DCUN1D2: variants seen among roughly 807,000 people sequenced by gnomAD.
The protein encoded by DCUN1D2 is defective in cullin neddylation 1 domain containing 2.
DCUN1D2 carries 29 observed loss-of-function variants against 30.9 expected under a neutral mutation model. That is an observed-to-expected ratio of 0.94 (90% CI 0.70 to 1.28). The LOEUF (loss-of-function observed/expected upper bound fraction) is 1.28, where lower values mean the gene tolerates loss of function less well. Ranked by LOEUF, DCUN1D2 falls within the 50% of genes most tolerant of loss-of-function variation. The pLI is 0.00. For missense variants in DCUN1D2, 325 were observed against 316.9 expected, an observed-to-expected ratio of 1.03 and a Z score of -0.19; for synonymous variants, 121 against 115.3, an observed-to-expected ratio of 1.05 and a Z score of -0.32.
Position 113,483,865 on chromosome 13 carries a change from C to T in DCUN1D2, c.195G>A (p.Leu65=). ...SMRNAVDKKK[L]ERLYGRYKDP... Reference sequence around the variant, plus strand: ...CTTTGTACCTGCCGTACAGCCGCTCCAGCTTCTTCTTGTCCACAGCGTTCC... The same window carrying T: ...CTTTGTACCTGCCGTACAGCCGCTCTAGCTTCTTCTTGTCCACAGCGTTCC... Residue 65 remains leucine (L), a synonymous_variant, in exon 2 of 7, where the codon CTG becomes CTA. Coordinates refer to ENST00000478244, the MANE Select transcript of DCUN1D2 (RefSeq NM_001014283.2). 6.2e-7 allele frequency: 1 copy of T among 1,612,828 alleles called. No individual in the cohort carries two copies. Among genetic ancestry groups the T allele is most frequent in the East Asian group, 2.2e-5 (1 of 44,888 alleles).
chr13:113,463,905 G>C (rs1595568884), intron 4 of DCUN1D2, among the ~76,000 whole-genome samples: 1 of 152,182 alleles, frequency 6.6e-6, no homozygotes, highest in South Asian at 2.1e-4. Context: ...TGCTTTTTCT[G>C]GAACAGTTGG....
chr13:113,462,252 C>CAA (rs530609852), intron 4 of DCUN1D2, among the ~76,000 whole-genome samples: 8 of 80,964 alleles, frequency 9.9e-5, no homozygotes, highest in East Asian at 3.0e-4. Context: ...AACTCCGTCT[C>CAA]AAAAAAAAAA....
At chr13:113,469,516 C>CA (rs137962117) in intron 4 of DCUN1D2, among the ~76,000 whole-genome samples, 1 of 151,924 alleles carries the variant, frequency 6.6e-6, no homozygotes, top group Non-Finnish European at 1.5e-5. Flanking sequence ...TCCGTCCCTC[C>CA]AAAAAAAGTT....
intron 3 of DCUN1D2, among the ~76,000 whole-genome samples, chr13:113,479,520 G>A (rs2044671360): frequency 6.6e-6 from 1 of 152,156 alleles, no homozygotes; most frequent in African/African-American, 2.4e-5. Flanking sequence ...TTGGGAGGCT[G>A]ATGAGGCAAG....
chr13:113,491,549 C>CCT (rs1454411516), upstream of DCUN1D2, among the ~76,000 whole-genome samples: 1 of 152,100 alleles, frequency 6.6e-6, no homozygotes, highest in East Asian at 1.9e-4. Flanking sequence ...GCTCACCTCC[C>CCT]CTCTCTCTCT....
chr13:113,462,992 G>A (rs138981811), intron 4 of DCUN1D2: 4 of 424,160 alleles, frequency 9.4e-6, no homozygotes, highest in Non-Finnish European at 1.4e-5. Context: ...GACCTGATTT[G>A]TATGTTTGTC....
upstream of DCUN1D2, chr13:113,490,872 C>G (rs1353720327): frequency 1.3e-5 from 4 of 302,296 alleles, no homozygotes; most frequent in East Asian, 3.1e-4. The surrounding 1 kb of genome is among the most constrained non-coding windows in gnomAD (Gnocchi z 5.2). Flanking sequence ...GCGTCCAGCC[C>G]TCTGCGAGGG....
intron 1 of DCUN1D2, among the ~76,000 whole-genome samples, chr13:113,485,412 G>A (rs567764881): frequency 6.6e-6 from 1 of 152,312 alleles, no homozygotes; most frequent in East Asian, 1.9e-4. Flanking sequence ...ACATGTAAGA[G>A]CTGGAAATCA....
chr13:113,490,516 C>A lies in DCUN1D2; in HGVS notation c.3+151G>T. The A allele has an allele frequency of 4.7e-6, 4 of 850,432 alleles. No individual in the cohort carries two copies. Among genetic ancestry groups the A allele is most frequent in the Non-Finnish European group, 6.2e-6 (4 of 641,164 alleles). The allele number at this position is 850,432 out of a possible 1,614,324, so 52.7% of individuals were successfully genotyped here. A position where few individuals can be genotyped will look rare whatever the true frequency, so the allele number is the denominator to read the frequency against. On this transcript the variant is annotated intron_variant, in intron 1 of 6. Transcript: ENST00000478244. This position sits in a 1 kb window ranked among gnomAD's most constrained non-coding sequence, Gnocchi z 5.2. ...CGACGCCACCGCTCCGGCTCGCGGG[C>A]CCGCGGCGCGTTCCTCCCTCGGATC...
Position 113,456,243 on chromosome 13 carries a change from A to C in DCUN1D2, c.*1786T>G. On this transcript the variant is annotated 3_prime_UTR_variant, in exon 7 of 7. Transcript: ENST00000478244. The stretch of plus-strand genomic sequence containing the variant: ...GGGGAAGGTCTGTCACTTGCCCATC[A>C]CTGGACCAGCCAGAAGCCAGCGGGG... The C allele has an allele frequency of 2.5e-6, 1 of 398,734 alleles. No homozygotes were observed. Among genetic ancestry groups the C allele is most frequent in the Non-Finnish European group, 4.4e-6 (1 of 226,160 alleles). 24.7% of individuals were successfully genotyped at this position (398,734 alleles called of 1,614,324 possible). A position where few individuals can be genotyped will look rare whatever the true frequency, so the allele number is the denominator to read the frequency against.
chr13:113,483,815 C>G (rs1359410577), intron 2 of DCUN1D2, 25 bp downstream of exon 2: 3 of 1,604,444 alleles, frequency 1.9e-6, no homozygotes, highest in East Asian at 4.5e-5. Flanking sequence ...GACATCCGTC[C>G]GGCTTTGCTG....
At chr13:113,469,785 G>A (rs545362020) in intron 4 of DCUN1D2, among the ~76,000 whole-genome samples, 28 of 149,220 alleles carry the variant, frequency 1.9e-4, no homozygotes, top group Non-Finnish European at 1.5e-5. Flanking sequence ...GCTGCAGTGA[G>A]CTATGATCGC....
intron 3 of DCUN1D2, among the ~76,000 whole-genome samples, chr13:113,474,493 G>A (rs886398140): frequency 6.6e-6 from 1 of 152,186 alleles, no homozygotes; most frequent in Non-Finnish European, 1.5e-5. Context: ...GGTGGCAGCC[G>A]CCCAGCTCTG....
At position 113,459,366 on chromosome 13, in the gene DCUN1D2, G is replaced by C; in HGVS notation, c.646C>G (p.Leu216Val). The C allele has an allele frequency of 3.1e-6, 5 of 1,603,352 alleles. No homozygotes were observed. The highest frequency in any genetic ancestry group is 3.4e-6 in the Non-Finnish European group (4 of 1,170,320). Residue 216 changes from leucine (L) to valine (V), a missense_variant, in exon 6 of 7, where the codon CTG becomes GTG. Leu to Val is a conservative substitution (Grantham distance 32). Transcript: ENST00000478244. ...GCAATCATGTTTCCAAAGTCCAGCA[G>C]GAGGTTCCAGGTGTCCCTTGGAATT... ...RSIPRDTWNL[L>V]LDFGNMIADD...
chr13:113,483,633 C>T (rs1377656831), intron 2 of DCUN1D2, among the ~76,000 whole-genome samples: 1 of 152,218 alleles, frequency 6.6e-6, no homozygotes, highest in East Asian at 1.9e-4. Context: ...CCACTCTTCT[C>T]GCCCTCCCCA....
rs78613277 is a variant in DCUN1D2, at chr13:113,481,436, C to T, written c.221-693G>A. On this transcript the variant is annotated intron_variant, in intron 2 of 6. Coordinates refer to ENST00000478244, the MANE Select transcript of DCUN1D2 (RefSeq NM_001014283.2). ...CAGATTATATCATATTATCATAATGCGTAGGTAAATTGTTGGTTTAGAAGG... is the reference window on the plus strand; with the variant it reads ...CAGATTATATCATATTATCATAATGTGTAGGTAAATTGTTGGTTTAGAAGG... 5.1e-3 allele frequency among the ~76,000 whole-genome samples: 783 copies of T among 152,246 alleles called. 33 individuals are homozygous for T. In the East Asian group the frequency reaches 0.11, roughly 22 times the overall value.
At chr13:113,464,820 C>T (rs894428052) in intron 4 of DCUN1D2, among the ~76,000 whole-genome samples, 1 of 152,228 alleles carries the variant, frequency 6.6e-6, no homozygotes, top group Non-Finnish European at 1.5e-5. Flanking sequence ...GAAGCCACTG[C>T]GTTTTGAGGT....
chr13:113,463,257 A>G (rs868359551), intron 4 of DCUN1D2, among the ~76,000 whole-genome samples: 4 of 152,346 alleles, frequency 2.6e-5, no homozygotes, highest in Middle Eastern at 3.4e-3. Flanking sequence ...ACATGTTAGA[A>G]GAAGGCATTA....
intron 4 of DCUN1D2, among the ~76,000 whole-genome samples, chr13:113,473,073 C>G (rs1161029237): frequency 6.9e-6 from 1 of 145,588 alleles, no homozygotes; most frequent in Non-Finnish European, 1.5e-5. Flanking sequence ...CCTCTGTCCC[C>G]CGTCTCTCTA....
Sources: allele counts gnomAD v4.1 joint callset (sites outside exome capture counted in the v4.1 genomes callset), GRCh38; gene constraint gnomAD v4.1.1; non-coding constraint Gnocchi (gnomAD v3.1); transcripts MANE v1.5; gene names NCBI Gene and HGNC (gene_info 2026-07-23, HGNC 2026-07-21).